SNX29: variants seen among roughly 807,000 people sequenced by gnomAD.
The protein encoded by SNX29 is sorting nexin 29.
A neutral mutation model predicts 102.1 loss-of-function variants in SNX29; 78 were observed. That is an observed-to-expected ratio of 0.76 (90% CI 0.64 to 0.92). SNX29 has a LOEUF of 0.92. SNX29 is among the 40% of genes least tolerant of loss of function. SNX29 has a pLI of 0.00. For synonymous variants in SNX29, 580 were observed against 414.5 expected, an observed-to-expected ratio of 1.40 and a Z score of -4.85; for missense variants, 1,280 against 1,061.7, an observed-to-expected ratio of 1.21 and a Z score of -2.86.
chr16:12,458,378 T>G (rs921535181), intron 18 of SNX29, among the ~76,000 whole-genome samples: 3 of 152,154 alleles, frequency 2.0e-5, no homozygotes, highest in Non-Finnish European at 4.4e-5. Flanking sequence ...ACGGAAACCT[T>G]GCCTGGTTGC....
chr16:12,306,249 C>T (rs1378311904), intron 15 of SNX29, among the ~76,000 whole-genome samples: 1 of 152,126 alleles, frequency 6.6e-6, no homozygotes, highest in East Asian at 1.9e-4. Flanking sequence ...ATTCTGTGTA[C>T]TCTTAACCAC....
At chr16:12,009,406 G>GAT (rs991640574) in intron 3 of SNX29, among the ~76,000 whole-genome samples, 32 of 151,070 alleles carry the variant, frequency 2.1e-4, no homozygotes, top group Non-Finnish European at 4.4e-4. Context: ...GTGTGTGAGA[G>GAT]ATATATATAT....
At chr16:12,312,338 T>G (rs1567426233) in intron 15 of SNX29, among the ~76,000 whole-genome samples, 1 of 152,184 alleles carries the variant, frequency 6.6e-6, no homozygotes, top group Non-Finnish European at 1.5e-5. Context: ...AGCCAGAGCC[T>G]GGGTATAATA....
Position 12,542,271 on chromosome 16 carries a change from T to C in SNX29, c.2318+17430T>C, listed in dbSNP as rs529802611. The stretch of plus-strand genomic sequence containing the variant: ...CTTTATAGATGAGGAAATTGAGGCA[T>C]GGAGAAATGGAGGAACTTGCCCAAG... On this transcript the variant is annotated intron_variant, in intron 20 of 20. Coordinates refer to ENST00000566228, the MANE Select transcript of SNX29 (RefSeq NM_032167.5). Among the ~76,000 whole-genome samples the C allele has an allele frequency of 2.5e-5, 3 of 118,606 alleles. No individual in the cohort carries two copies. The East Asian group carries it at 6.4e-4, about 25-fold the overall frequency. The allele number at this position is 118,606 out of a possible 152,430, so 77.8% of individuals were successfully genotyped here.
intron 20 of SNX29, among the ~76,000 whole-genome samples, chr16:12,542,144 G>A (rs774702421): frequency 3.3e-5 from 5 of 152,154 alleles, no homozygotes; most frequent in Admixed American, 2.6e-4. Context: ...TTCAGCCCAC[G>A]CTACCTGGGC....
At chr16:12,109,860 A>G (rs1486776759) in intron 11 of SNX29, among the ~76,000 whole-genome samples, 1 of 151,906 alleles carries the variant, frequency 6.6e-6, no homozygotes, top group Admixed American at 6.6e-5. Context: ...CCTCCCAAGT[A>G]TCTGGGATTA....
intron 20 of SNX29, among the ~76,000 whole-genome samples, chr16:12,538,951 A>C (rs1180868897): frequency 1.3e-5 from 2 of 152,178 alleles, no homozygotes; most frequent in African/African-American, 2.4e-5. Context: ...CAGTGCTGTG[A>C]AATGCTAAGG....
chr16:12,297,291 A>G (rs575527786), intron 15 of SNX29: 64 of 152,496 alleles, frequency 4.2e-4, no homozygotes, highest in African/African-American at 1.4e-3. Context: ...ACCTGCTGCC[A>G]TGGCCAAAGC....
chr16:12,525,059 C>G (rs145073508), intron 20 of SNX29, among the ~76,000 whole-genome samples: 1 of 152,218 alleles, frequency 6.6e-6, no homozygotes, highest in African/African-American at 2.4e-5. Flanking sequence ...TGCAAATGAG[C>G]ATTGTTGACT....
intron 14 of SNX29, among the ~76,000 whole-genome samples, chr16:12,262,673 T>G (rs1790455432): frequency 6.6e-6 from 1 of 152,222 alleles, no homozygotes; most frequent in Non-Finnish European, 1.5e-5. Context: ...CATAAACCTG[T>G]GACAGTGGTA....
At chr16:12,524,234 C>T (rs1006866830) in intron 19 of SNX29, among the ~76,000 whole-genome samples, 2 of 152,000 alleles carry the variant, frequency 1.3e-5, no homozygotes, top group East Asian at 1.9e-4. Context: ...TTTTGTATTT[C>T]GAGAAACTCC....
At chr16:12,555,919 G>C (rs115091368) in intron 20 of SNX29, among the ~76,000 whole-genome samples, 3 of 152,022 alleles carry the variant, frequency 2.0e-5, no homozygotes, top group Non-Finnish European at 4.4e-5. Flanking sequence ...TTATTTTTGC[G>C]TATGGTGTCA....
intron 15 of SNX29, among the ~76,000 whole-genome samples, chr16:12,298,421 C>T (rs1197133663): frequency 6.6e-6 from 1 of 152,176 alleles, no homozygotes; most frequent in East Asian, 1.9e-4. Context: ...TTGAACAAGC[C>T]TGTGCAGATT....
Position 12,571,930 on chromosome 16 carries a change from G to A in SNX29, c.*3301G>A. 1 of 1,062,148 alleles carries A rather than the reference G, an allele frequency of 9.4e-7. No homozygotes were observed. The highest frequency in any genetic ancestry group is 1.1e-6 in the Non-Finnish European group (1 of 877,292). 65.8% of individuals were successfully genotyped at this position (1,062,148 alleles called of 1,614,324 possible). A position where few individuals can be genotyped will look rare whatever the true frequency, so the allele number is the denominator to read the frequency against. ...TCTCTACTGGCAGGCCCTGGTGAAG[G>A]AAGACACTTTCAGGGAAGAGGCTCT... On this transcript the variant is annotated 3_prime_UTR_variant, in exon 21 of 21. Coordinates refer to ENST00000566228, the MANE Select transcript of SNX29 (RefSeq NM_032167.5).
intron 19 of SNX29, among the ~76,000 whole-genome samples, chr16:12,484,523 C>T (rs907563534): frequency 6.6e-6 from 1 of 152,164 alleles, no homozygotes; most frequent in Non-Finnish European, 1.5e-5. Context: ...GTTACTGTGG[C>T]CTCAGAGGTG....
chr16:12,500,745 C>A (rs1000074742), intron 19 of SNX29, among the ~76,000 whole-genome samples: 1 of 152,236 alleles, frequency 6.6e-6, no homozygotes, highest in African/African-American at 2.4e-5. Context: ...CCCAGACCTG[C>A]TGCATGAGAA....
intron 20 of SNX29, among the ~76,000 whole-genome samples, chr16:12,540,144 G>C (rs993910542): frequency 6.6e-6 from 1 of 152,146 alleles, no homozygotes; most frequent in South Asian, 2.1e-4. Flanking sequence ...AAGTTTTATA[G>C]CTTTACATTT....
At chr16:12,355,827 C>G (rs796646457) in intron 15 of SNX29, among the ~76,000 whole-genome samples, 3 of 103,914 alleles carry the variant, frequency 2.9e-5, no homozygotes, top group African/African-American at 1.1e-4. Context: ...CTGACCTTGA[C>G]AGAGCGAGAT....
At position 12,261,274 on chromosome 16, in the gene SNX29, T is replaced by C. The variant is rs565425319; in HGVS notation, c.1679-16659T>C. Among the ~76,000 whole-genome samples, 8 of 141,844 alleles carry C rather than the reference T, an allele frequency of 5.6e-5. No homozygotes were observed. The South Asian group carries it at 1.8e-3, about 32-fold the overall frequency. The allele number at this position is 141,844 out of a possible 152,430, so 93.1% of individuals were successfully genotyped here. A position where few individuals can be genotyped will look rare whatever the true frequency, so the allele number is the denominator to read the frequency against. ...CGCACCCCCGGGTGAAGTGAGTGTT[T>C]GCTGAGCTCGGGTCTGTGCGCGCGT... On this transcript the variant is annotated intron_variant, in intron 14 of 20. Transcript: ENST00000566228.
Sources: allele counts gnomAD v4.1 joint callset (sites outside exome capture counted in the v4.1 genomes callset), GRCh38; gene constraint gnomAD v4.1.1; transcripts MANE v1.5; gene names NCBI Gene and HGNC (gene_info 2026-07-23, HGNC 2026-07-21).